Variants in MBOAT1 observed in about 807,000 individuals in gnomAD.
MBOAT1 encodes the protein membrane bound glycerophospholipid O-acyltransferase 1, also known as membrane-bound glycerophospholipid O-acyltransferase 1.
In MBOAT1, 67 loss-of-function variants were observed where a neutral mutation model predicts 64.4. The ratio of observed to expected loss-of-function variants is 1.04; its 90% confidence interval spans 0.85 to 1.27. MBOAT1 has a LOEUF of 1.27. Ranked by LOEUF, MBOAT1 falls within the 50% of genes most tolerant of loss-of-function variation. The pLI is 0.00. For synonymous variants in MBOAT1, 229 were observed against 218.9 expected, an observed-to-expected ratio of 1.05 and a Z score of -0.41; for missense variants, 563 against 604.6, an observed-to-expected ratio of 0.93 and a Z score of 0.72.
intron 12 of MBOAT1, 42 bp downstream of exon 12, chr6:20,109,556 G>A: frequency 6.3e-7 from 1 of 1,592,026 alleles, no homozygotes. Flanking sequence ...AGTGAAAATA[G>A]AGTCATTTAC....
At chr6:20,119,299 C>T (rs751468444) in intron 8 of MBOAT1, among the ~76,000 whole-genome samples, 21 of 152,252 alleles carry the variant, frequency 1.4e-4, no homozygotes, top group African/African-American at 4.8e-4. Context: ...GTTCTCCTGC[C>T]GGGAATATTT....
chr6:20,205,772 CT>C (rs1216375590), intron 1 of MBOAT1, among the ~76,000 whole-genome samples: 3 of 152,180 alleles, frequency 2.0e-5, no homozygotes, highest in Non-Finnish European at 4.4e-5. Flanking sequence ...CCCCACCCAC[CT>C]GCTAACAGCA....
At chr6:20,117,669 C>T (rs747905910) in intron 9 of MBOAT1, among the ~76,000 whole-genome samples, 12 of 152,342 alleles carry the variant, frequency 7.9e-5, no homozygotes, top group Non-Finnish European at 1.0e-4. Context: ...CCTGCCCAAA[C>T]TCTCCAGTGG....
chr6:20,141,857 G>C (rs1001710306), intron 4 of MBOAT1, among the ~76,000 whole-genome samples: 1 of 152,102 alleles, frequency 6.6e-6, no homozygotes, highest in Non-Finnish European at 1.5e-5. Context: ...CGTAATGAGA[G>C]GACCTGGTGA....
intron 11 of MBOAT1, 64 bp downstream of exon 11, chr6:20,112,812 A>T: frequency 6.4e-7 from 1 of 1,558,656 alleles, no homozygotes; most frequent in Non-Finnish European, 8.7e-7. Context: ...AGGACCCAAC[A>T]GATAACAAAC....
chr6:20,157,560 C>G lies in MBOAT1; in HGVS notation c.100-4791G>C, dbSNP rs1953284. ...ATTGCCCACACATTCCCTGCACTAC[C>G]TACGTACACTCACATACACAAACAG... is the stretch of plus-strand genomic sequence containing the variant. On this transcript the variant is annotated intron_variant, in intron 1 of 12. Coordinates refer to ENST00000324607, the MANE Select transcript of MBOAT1 (RefSeq NM_001080480.3). Among the ~76,000 whole-genome samples the G allele has an allele frequency of 2.7e-3, 412 of 152,176 alleles. 14 individuals carry two copies. In the East Asian group the frequency reaches 0.07, roughly 26 times the overall value.
chr6:20,143,541 G>A (rs1194854640), intron 4 of MBOAT1, among the ~76,000 whole-genome samples: 1 of 152,116 alleles, frequency 6.6e-6, no homozygotes, highest in East Asian at 1.9e-4. Context: ...AGCAAATACT[G>A]CATGTTCTCA....
rs12194843 is a variant in MBOAT1 at position 20,212,238 on chromosome 6, G to A, written c.-4C>T. 0.082 allele frequency: 131,388 copies of A among 1,609,936 alleles called. 5,816 individuals are homozygous for A. Among genetic ancestry groups the A allele is most frequent in the Non-Finnish European group, 0.089 (105,232 of 1,178,894 alleles). ...ACGGCTGCGGCTCTGCTGCCATCCT[G>A]CATCTTCGGGAGGTGGCTGCCCCTG... On this transcript the variant is annotated 5_prime_UTR_variant, in exon 1 of 13. The change creates a premature stop within an existing upstream ORF in the 5' untranslated region. Transcript: ENST00000324607.
At chr6:20,155,994 C>T (rs958360997) in intron 1 of MBOAT1, among the ~76,000 whole-genome samples, 23 of 152,110 alleles carry the variant, frequency 1.5e-4, no homozygotes, top group Non-Finnish European at 2.9e-5. Context: ...TAGGGTCCAG[C>T]GCGGTGGCTC....
intron 1 of MBOAT1, among the ~76,000 whole-genome samples, chr6:20,207,470 T>C (rs890219046): frequency 2.6e-5 from 4 of 152,170 alleles, no homozygotes; most frequent in Admixed American, 2.0e-4. Flanking sequence ...TGACAATCCA[T>C]GCACCATATT....
At chr6:20,158,211 C>G (rs1761753258) in intron 1 of MBOAT1, among the ~76,000 whole-genome samples, 2 of 149,652 alleles carry the variant, frequency 1.3e-5, no homozygotes, top group African/African-American at 4.9e-5. Context: ...ACCATGATTA[C>G]TGGCCTAAAA....
chr6:20,164,271 GAGTCACCTTC>G (rs1761951488), intron 1 of MBOAT1, among the ~76,000 whole-genome samples: 1 of 151,852 alleles, frequency 6.6e-6, no homozygotes, highest in African/African-American at 2.4e-5. Flanking sequence ...GTTGGGCCTG[GAGTCACCTTC>G]TTTCAGTCTG....
intron 11 of MBOAT1, among the ~76,000 whole-genome samples, 200 bp from the exon 12 acceptor site, chr6:20,109,949 G>A (rs182934705): frequency 2.2e-3 from 262 of 121,712 alleles, no homozygotes; most frequent in African/African-American, 7.3e-3. Context: ...TCGCTCTGTC[G>A]CCCAGGCTGG....
intron 11 of MBOAT1, 106 bp from the exon 12 acceptor site, chr6:20,109,855 G>T: frequency 1.1e-6 from 1 of 878,346 alleles, no homozygotes; most frequent in Non-Finnish European, 1.5e-6. Flanking sequence ...GGCTACAGAA[G>T]ATAACCAACA....
chr6:20,115,274 T>C lies in MBOAT1; in HGVS notation c.1076+14A>G. The C allele has an allele frequency of 6.2e-7, 1 of 1,608,644 alleles. No individual in the cohort carries two copies. The highest frequency in any genetic ancestry group is 8.5e-7 in the Non-Finnish European group (1 of 1,174,978). Reference sequence around the variant, plus strand: ...CAGTGCCCTAAGTAATGAGGTCGTTTTTGTTTTTCTTACCACTTTAGCCAA... The same window carrying C: ...CAGTGCCCTAAGTAATGAGGTCGTTCTTGTTTTTCTTACCACTTTAGCCAA... On this transcript the variant is annotated intron_variant, in intron 10 of 12. Transcript: ENST00000324607.
At chr6:20,165,655 A>G (rs1192672884) in intron 1 of MBOAT1, among the ~76,000 whole-genome samples, 1 of 152,118 alleles carries the variant, frequency 6.6e-6, no homozygotes, top group Non-Finnish European at 1.5e-5. Flanking sequence ...AAGCAGGAGA[A>G]TCGCTTGCAC....
chr6:20,118,645 T>C, intron 8 of MBOAT1, 105 bp from the exon 9 acceptor site: 1 of 868,716 alleles, frequency 1.2e-6, no homozygotes, highest in Non-Finnish European at 1.8e-6. Flanking sequence ...AAATATGCAG[T>C]AGTGTCTTTG....
intron 2 of MBOAT1, among the ~76,000 whole-genome samples, chr6:20,152,359 A>AATT (rs1761533427): frequency 1.4e-5 from 2 of 142,452 alleles, no homozygotes; most frequent in African/African-American, 5.5e-5. Context: ...ATAAATAAAT[A>AATT]AATAAATTAA....
At chr6:20,104,431 A>C (rs147961732) in intron 12 of MBOAT1, among the ~76,000 whole-genome samples, 327 of 152,302 alleles carry the variant, frequency 2.1e-3, no homozygotes, top group Non-Finnish European at 3.5e-3. Context: ...TGTCATCTAA[A>C]CTAATAAAAA....
Sources: allele counts gnomAD v4.1 joint callset (sites outside exome capture counted in the v4.1 genomes callset), GRCh38; gene constraint gnomAD v4.1.1; transcripts MANE v1.5; gene names NCBI Gene and HGNC (gene_info 2026-07-23, HGNC 2026-07-21).